Variants in ARHGAP29 observed in about 807,000 individuals in gnomAD.
ARHGAP29 encodes the protein rho GTPase-activating protein 29.
ARHGAP29 carries 43 observed loss-of-function variants against 122.6 expected under a neutral mutation model. The observed-to-expected ratio is 0.35, with a 90% CI of 0.27 to 0.45. ARHGAP29 has a LOEUF of 0.45. ARHGAP29 is among the 20% of genes least tolerant of loss of function. ARHGAP29 has a pLI of 1.00. For synonymous variants in ARHGAP29, 506 were observed against 497.1 expected, an observed-to-expected ratio of 1.02 and a Z score of -0.24; for missense variants, 1,303 against 1,477.2, an observed-to-expected ratio of 0.88 and a Z score of 1.93.
In ARHGAP29 at chr1:94,202,908, T is replaced by G. The variant is rs1198106239; in HGVS notation, c.954+10A>C. 6.3e-7 allele frequency: 1 copy of G among 1,594,360 alleles called. No homozygotes were observed. The highest frequency in any genetic ancestry group is 8.5e-7 in the Non-Finnish European group (1 of 1,172,480). On this transcript the variant is annotated intron_variant, in intron 10 of 22. Coordinates refer to ENST00000260526, the MANE Select transcript of ARHGAP29 (RefSeq NM_004815.4). Reference sequence around the variant, plus strand: ...CAAATAGGTACATGAAACTCCATTTTAATACTAACCATTTTATTTTGCTCC... The same window carrying G: ...CAAATAGGTACATGAAACTCCATTTGAATACTAACCATTTTATTTTGCTCC...
chr1:94,192,160 T>C (rs530193753), intron 12 of ARHGAP29: 2 of 152,286 alleles, frequency 1.3e-5, no homozygotes, highest in South Asian at 4.1e-4. Flanking sequence ...AAAAATATTT[T>C]AAGGAAGTTT....
At chr1:94,261,007 C>T (rs1164769833) in intron 1 of ARHGAP29, among the ~76,000 whole-genome samples, 1 of 152,122 alleles carries the variant, frequency 6.6e-6, no homozygotes, top group Non-Finnish European at 1.5e-5. Context: ...AATTCTGCAC[C>T]CCCATTAACT....
Position 94,185,497 on chromosome 1 carries a change from A to C in ARHGAP29, c.1781-16T>G. The C allele has an allele frequency of 3.2e-6, 5 of 1,574,850 alleles. No individual in the cohort carries two copies. The highest frequency in any genetic ancestry group is 4.3e-6 in the Non-Finnish European group (5 of 1,162,658). On this transcript the variant is annotated splice_polypyrimidine_tract_variant and intron_variant, in intron 16 of 22. Coordinates refer to ENST00000260526, the MANE Select transcript of ARHGAP29 (RefSeq NM_004815.4). The stretch of plus-strand genomic sequence containing the variant: ...GAATTGGGTCCTTGCAAGAGAAATA[A>C]TTTACAAAAATTGTAAAATGATAGA...
intron 12 of ARHGAP29, 145 bp from the exon 13 acceptor site, chr1:94,190,228 C>A (rs1244855026): frequency 6.5e-6 from 5 of 763,606 alleles, no homozygotes; most frequent in Non-Finnish European, 9.7e-6. Context: ...TACTATGATG[C>A]CTGATTTTGC....
intron 12 of ARHGAP29, chr1:94,194,826 A>G (rs1402559799): frequency 6.6e-6 from 1 of 152,234 alleles, no homozygotes; most frequent in Non-Finnish European, 1.5e-5. Flanking sequence ...ATGCTAAATG[A>G]TCTCAAAAAC....
chr1:94,270,079 G>A (rs970358916), intron 1 of ARHGAP29, among the ~76,000 whole-genome samples: 4 of 152,160 alleles, frequency 2.6e-5, no homozygotes, highest in Admixed American at 6.5e-5. Flanking sequence ...GCACAATCCA[G>A]ACTTCCCTCA....
chr1:94,177,178 G>A (rs992558181), intron 22 of ARHGAP29: 6 of 153,166 alleles, frequency 3.9e-5, no homozygotes, highest in Non-Finnish European at 8.7e-5. Flanking sequence ...CAGGTAAAAA[G>A]CATGTCAAAA....
chr1:94,179,695 A>C, intron 20 of ARHGAP29, 30 bp downstream of exon 20: 1 of 1,420,618 alleles, frequency 7.0e-7, no homozygotes, highest in Non-Finnish European at 9.7e-7. Flanking sequence ...TTGCCCATTA[A>C]TAAATGTTCT....
At chr1:94,271,790 C>T (rs7525008) in intron 1 of ARHGAP29, among the ~76,000 whole-genome samples, 35,163 of 152,048 alleles carry the variant, frequency 0.23, 4,302 homozygotes, top group East Asian at 0.46. Flanking sequence ...CTTCAGGATT[C>T]GAAGTTCTGT....
chr1:94,204,431 A>G (rs1651069418), intron 7 of ARHGAP29, among the ~76,000 whole-genome samples: 1 of 152,220 alleles, frequency 6.6e-6, no homozygotes, highest in South Asian at 2.1e-4. Context: ...CTACAAGACT[A>G]TTCAGGTGAT....
intron 20 of ARHGAP29, among the ~76,000 whole-genome samples, chr1:94,178,403 G>A (rs574650404): frequency 1.6e-4 from 25 of 152,234 alleles, no homozygotes; most frequent in African/African-American, 5.5e-4. Context: ...AACTACTATA[G>A]TTTTACCAGC....
At chr1:94,303,416 T>C in the ARHGAP29 span, among the ~76,000 whole-genome samples, 1 of 151,584 alleles carries the variant, frequency 6.6e-6, no homozygotes, top group Non-Finnish European at 1.5e-5. Context: ...GGGAGTGGGG[T>C]GAATGGGCAG....
chr1:94,304,626 A>G, the ARHGAP29 span, among the ~76,000 whole-genome samples: 2 of 152,218 alleles, frequency 1.3e-5, no homozygotes, highest in African/African-American at 4.8e-5. Context: ...ACAGCAGTGG[A>G]GAGCAGGTAT....
intron 19 of ARHGAP29, among the ~76,000 whole-genome samples, chr1:94,183,328 C>T (rs1392075236): frequency 6.6e-6 from 1 of 152,130 alleles, no homozygotes; most frequent in Non-Finnish European, 1.5e-5. Context: ...AGAATAGCAG[C>T]TAAGCTTGGC....
At chr1:94,239,034 A>AT (rs1336432212), upstream of ARHGAP29, among the ~76,000 whole-genome samples, 8 of 152,138 alleles carry the variant, frequency 5.3e-5, no homozygotes, top group Admixed American at 5.2e-4. Context: ...ACTTACACAG[A>AT]TTTTCCCCTC....
intron 1 of ARHGAP29, among the ~76,000 whole-genome samples, chr1:94,271,702 C>G (rs1169170727): frequency 6.6e-6 from 1 of 152,198 alleles, no homozygotes; most frequent in Non-Finnish European, 1.5e-5. Context: ...CATCCCCTCT[C>G]TGAAGAATAC....
chr1:94,174,061 G>A lies in ARHGAP29; in HGVS notation c.3594C>T (p.Pro1198=). Reference sequence around the variant, plus strand: ...GCATTGACTTCACCACGAGACCGTGGGGATCGTGATCTGTGCCAGGAGGCA... The same window carrying A: ...GCATTGACTTCACCACGAGACCGTGAGGATCGTGATCTGTGCCAGGAGGCA... The part of the protein sequence containing the change: ...AAVPPGTDHD[P]HGLVVKSMPD... Residue 1198 remains proline, a synonymous_variant, in exon 23 of 23, where the codon CCC becomes CCT. Transcript: ENST00000260526. 6.2e-7 allele frequency: 1 copy of A among 1,614,168 alleles called. No homozygotes were observed. Among genetic ancestry groups the A allele is most frequent in the Non-Finnish European group, 8.5e-7 (1 of 1,180,038 alleles).
intron 11 of ARHGAP29, 37 bp from the exon 12 acceptor site, chr1:94,201,894 A>T: frequency 6.7e-7 from 1 of 1,491,358 alleles, no homozygotes; most frequent in Non-Finnish European, 9.0e-7. Context: ...TAACACTAGA[A>T]TTTATATTTT....
At chr1:94,179,670 CA>C in intron 20 of ARHGAP29, 54 bp downstream of exon 20, 1 of 807,440 alleles carries the variant, frequency 1.2e-6, no homozygotes, top group Non-Finnish European at 1.6e-6. Context: ...CAATTAAAAA[CA>C]AAAAACAAAT....
Sources: gnomAD v4.1 joint callset for allele counts (sites outside exome capture counted in the v4.1 genomes callset) on GRCh38, gnomAD v4.1.1 for gene constraint, MANE v1.5 for transcripts, NCBI Gene and HGNC (gene_info 2026-07-23, HGNC 2026-07-21) for gene names.